The following COL4A3 variants were observed in gnomAD, a reference collection of about 807,000 sequenced individuals.
COL4A3 encodes the protein collagen type IV alpha 3 chain, also known as collagen alpha-3(IV) chain.
A neutral mutation model predicts 217.4 loss-of-function variants in COL4A3; 135 were observed. The observed-to-expected ratio is 0.62, with a 90% confidence interval of 0.54 to 0.72. The LOEUF (loss-of-function observed/expected upper bound fraction) is 0.72. Among genes scored for constraint, COL4A3 ranks in the 30% least tolerant of loss-of-function variants. The probability of loss-of-function intolerance (pLI) is 0.00; values close to 1 mark genes in which losing one functional copy is unlikely to be tolerated. For missense variants in COL4A3, 1,868 were observed against 2,119.9 expected (o/e 0.88, Z 2.33); for synonymous variants, 690 against 736.3 (o/e 0.94, Z 1.02).
At chr2:227,299,631 T>C (rs993745589) in intron 43 of COL4A3, among the ~76,000 whole-genome samples, 3 of 152,182 alleles carry the variant, frequency 2.0e-5, no homozygotes, top group Non-Finnish European at 4.4e-5. Flanking sequence ...TATAAATTAA[T>C]TGCCAGATCA....
At position 227,207,748 on chromosome 2, in the gene COL4A3, C is replaced by G. The variant is rs1394902502; in HGVS notation, c.88-30220C>G. Among the ~76,000 whole-genome samples the G allele has an allele frequency of 4.6e-5, 7 of 152,208 alleles. No homozygotes were observed. The East Asian group carries it at 1.3e-3, about 29-fold the overall frequency. ...CTCCAGGTGAGACAGAGTTTCACAG[C>G]AGGCATACTTTGGATTGTAAATTGA... On this transcript the variant is annotated intron_variant, in intron 1 of 51. Coordinates refer to ENST00000396578, the MANE Select transcript of COL4A3 (RefSeq NM_000091.5).
At chr2:227,224,839 A>G (rs2068000669) in intron 1 of COL4A3, among the ~76,000 whole-genome samples, 1 of 152,164 alleles carries the variant, frequency 6.6e-6, no homozygotes. Flanking sequence ...TTTGAGATGA[A>G]CTGTCTTTTT....
intron 35 of COL4A3, 47 bp downstream of exon 35, chr2:227,289,295 T>C (rs1202902268): frequency 2.7e-6 from 4 of 1,484,514 alleles, no homozygotes; most frequent in South Asian, 2.3e-5. Flanking sequence ...TACACTTTCC[T>C]ACATCTAAAG....
rs2070431033 is a variant in COL4A3 at position 227,259,807 on chromosome 2, C to G, written c.1044C>G (p.Asp348Glu). The G allele has an allele frequency of 6.2e-7, 1 of 1,612,026 alleles. No homozygotes were observed. Among genetic ancestry groups the G allele is most frequent in the Non-Finnish European group, 8.5e-7 (1 of 1,178,106 alleles). Residue 348 changes from aspartate (D) to glutamate (E), a missense_variant, in exon 19 of 52, where the codon GAC (aspartate) becomes GAG (glutamate). Transcript: ENST00000396578. ...PGFRGPTEYY[D>E]TYQEKGDEGT... is the part of the protein sequence containing the mutation. ...TCTCCTCTAAGACAGAATATTATGA[C>G]ACATACCAGGAAAAGGGAGATGAAG... is the stretch of plus-strand genomic sequence containing the variant.
Position 227,310,805 on chromosome 2 carries a change from G to A in COL4A3, c.4785G>A (p.Gly1595=). ...CAAGTGCAGGTTCTGAGGGCACCGG[G>A]CAAGCACTGGCCTCCCCTGGCTCCT... is the stretch of plus-strand genomic sequence containing the variant. The part of the protein sequence containing the change: ...MFTSAGSEGT[G]QALASPGSCL... The change falls in exon 51 of 52, where the codon GGG becomes GGA. Residue 1595 remains glycine (G), a synonymous_variant. Transcript: ENST00000396578. 6.2e-7 allele frequency: 1 copy of A among 1,614,150 alleles called. No individual in the cohort carries two copies. Among genetic ancestry groups the A allele is most frequent in the South Asian group, 1.1e-5 (1 of 91,088 alleles).
chr2:227,240,168 C>G lies in COL4A3; in HGVS notation c.170C>G (p.Pro57Arg). ...EKGEKGFPGP[P>R]GSPGQKGFTG... Reference sequence around the variant, plus strand: ...GGGGAGAAGGGCTTTCCTGGACCCCCCGGTTCTCCTGGCCAGAAAGGATTC... The same window carrying G: ...GGGGAGAAGGGCTTTCCTGGACCCCGCGGTTCTCCTGGCCAGAAAGGATTC... Residue 57 changes from proline (P) to arginine (R), a missense_variant, in exon 3 of 52, where the codon CCC (proline) becomes CGC (arginine). Physicochemically the swap from Pro to Arg is moderately radical, Grantham distance 103 (BLOSUM62 -2). This residue lies in a region of COL4A3 where 365 missense variants were observed against 333.8 expected (regional missense o/e 1.09). Coordinates refer to ENST00000396578, the MANE Select transcript of COL4A3 (RefSeq NM_000091.5). 6.2e-7 allele frequency: 1 copy of G among 1,611,038 alleles called. No homozygotes were observed.
chr2:227,203,747 A>G lies in COL4A3; in HGVS notation c.88-34221A>G, dbSNP rs1055873444. The stretch of plus-strand genomic sequence containing the variant: ...TGTGTGTATATATGTGTATATATAC[A>G]TATATGTGTGTATATATGTGTATAT... On this transcript the variant is annotated intron_variant, in intron 1 of 51. Coordinates refer to ENST00000396578, the MANE Select transcript of COL4A3 (RefSeq NM_000091.5). Among the ~76,000 whole-genome samples the G allele has an allele frequency of 2.3e-5, 2 of 85,552 alleles. 1 individual carries two copies. The highest frequency in any genetic ancestry group is 4.9e-5 in the Non-Finnish European group (2 of 40,976). The allele number at this position is 85,552 out of a possible 152,430, so 56.1% of individuals were successfully genotyped here.
intron 17 of COL4A3, 68 bp from the exon 18 acceptor site, chr2:227,257,535 A>T: frequency 7.8e-7 from 1 of 1,286,306 alleles, no homozygotes; most frequent in East Asian, 2.3e-5. Context: ...TTAACTGTAC[A>T]TCTTGCTTTT....
intron 11 of COL4A3, 70 bp downstream of exon 11, chr2:227,251,441 T>C: frequency 6.8e-7 from 1 of 1,463,012 alleles, no homozygotes; most frequent in South Asian, 1.2e-5. Context: ...CCTGGTCTGC[T>C]TCTTCATGTG....
chr2:227,259,187 A>G (rs2070385423), intron 18 of COL4A3: 1 of 152,232 alleles, frequency 6.6e-6, no homozygotes, highest in African/African-American at 2.4e-5. Context: ...CCTCAAAAGA[A>G]GTTCCACTTA....
chr2:227,207,530 A>C (rs2067146228), intron 1 of COL4A3, among the ~76,000 whole-genome samples: 1 of 152,216 alleles, frequency 6.6e-6, no homozygotes, highest in South Asian at 2.1e-4. Flanking sequence ...GAAGGAGTAC[A>C]GTACAGGCTT....
Position 227,250,989 on chromosome 2 carries a change from G to T in COL4A3, c.547-151G>T. 1.5e-6 allele frequency: 1 copy of T among 688,622 alleles called. No homozygotes were observed. The highest frequency in any genetic ancestry group is 2.6e-6 in the Non-Finnish European group (1 of 383,948). The allele number at this position is 688,622 out of a possible 1,614,324, so 42.7% of individuals were successfully genotyped here. On this transcript the variant is annotated intron_variant, in intron 9 of 51. Transcript: ENST00000396578. The surrounding 1 kb of genome is among the most constrained non-coding windows in gnomAD (Gnocchi z 4.1). ...CCTGTTACACATGGCAACACTTTTT[G>T]ATGTTTGTTATCATTAGCTGCAGCC...
chr2:227,274,270 T>TAAATAAATAAATAAAC (rs2071420825), intron 26 of COL4A3, among the ~76,000 whole-genome samples: 1 of 151,518 alleles, frequency 6.6e-6, no homozygotes, highest in South Asian at 2.1e-4. Context: ...AATAAATAAA[T>TAAATAAATAAATAAAC]AAATTTTAAA....
In COL4A3 at chr2:227,295,318, T is replaced by G. The variant is rs1221336695; in HGVS notation, c.3565+2T>G. 6.2e-7 allele frequency: 1 copy of G among 1,613,562 alleles called. No individual in the cohort carries two copies. ...CAAGAGGGAACCCTGGTGCTCAAGG[T>G]AAGCAGTTCTTCTTCCCTGTCCTAA... is the stretch of plus-strand genomic sequence containing the variant. On this transcript the variant is annotated splice_donor_variant, in intron 41 of 51. Coordinates refer to ENST00000396578, the MANE Select transcript of COL4A3 (RefSeq NM_000091.5). LOFTEE classifies it high-confidence loss of function.
chr2:227,240,170 G>C lies in COL4A3; in HGVS notation c.172G>C (p.Gly58Arg). The C allele has an allele frequency of 6.2e-7, 1 of 1,611,166 alleles. No individual in the cohort carries two copies. The highest frequency in any genetic ancestry group is 1.3e-5 in the African/African-American group (1 of 74,974). ...GGAGAAGGGCTTTCCTGGACCCCCC[G>C]GTTCTCCTGGCCAGAAAGGATTCAC... Reference protein sequence around the residue: ...KGEKGFPGPPGSPGQKGFTGP... With the variant: ...KGEKGFPGPPRSPGQKGFTGP... Residue 58 changes from glycine (G) to arginine (R), a missense_variant, in exon 3 of 52, where the codon GGT becomes CGT. Physicochemically the swap from Gly to Arg is moderately radical, Grantham distance 125. Transcript: ENST00000396578.
At chr2:227,195,321 TAATAA>T (rs942451929) in intron 1 of COL4A3, among the ~76,000 whole-genome samples, 5 of 151,938 alleles carry the variant, frequency 3.3e-5, no homozygotes, top group African/African-American at 1.2e-4. Flanking sequence ...CAAAATAACA[TAATAA>T]AATAAAAACT....
rs188867039 is a variant in COL4A3, at chr2:227,227,765, C to T, written c.88-10203C>T. 1.2e-4 allele frequency: 18 copies of T among 152,244 alleles called. No individual in the cohort carries two copies. The East Asian group carries it at 3.5e-3, about 29-fold the overall frequency. The allele number at this position is 152,244 out of a possible 1,614,324, so 9.4% of individuals were successfully genotyped here. A position where few individuals can be genotyped will look rare whatever the true frequency, so the allele number is the denominator to read the frequency against. ...CAGCCAGCACTGAAAGTGCTCAAAA[C>T]ATACTGAGATCATTACAGTGCTGAT... On this transcript the variant is annotated intron_variant, in intron 1 of 51. Transcript: ENST00000396578.
At position 227,303,110 on chromosome 2, in the gene COL4A3, G is replaced by C. The variant is rs765661521; in HGVS notation, c.3955G>C (p.Gly1319Arg). ...PGFQGFPGVK[G>R]EKGNPGFLGS... ...ATTCCAGGGGTTTCCAGGCGTGAAA[G>C]GTACTGTTTTTGTGCATTGCTCTTT... The change falls in exon 44 of 52, where the codon GGA becomes CGA. Residue 1319 changes from glycine to arginine, a missense_variant and splice_region_variant. Physicochemically the swap from Gly to Arg is moderately radical, Grantham distance 125. Transcript: ENST00000396578. 1 of 1,613,470 alleles carries C rather than the reference G, an allele frequency of 6.2e-7. No homozygotes were observed. Among genetic ancestry groups the C allele is most frequent in the South Asian group, 1.1e-5 (1 of 91,050 alleles).
Position 227,307,778 on chromosome 2 carries a change from T to C in COL4A3, c.4321T>C (p.Trp1441Arg). Reference sequence around the variant, plus strand: ...TGGAGACAGTGGATCACCTGCAACCTGGACAACGAGAGGCTTTGTCTTCAC... The same window carrying C: ...TGGAGACAGTGGATCACCTGCAACCCGGACAACGAGAGGCTTTGTCTTCAC... ...KRGDSGSPATWTTRGFVFTRH... is the reference protein window; with the variant it reads ...KRGDSGSPATRTTRGFVFTRH... Residue 1441 changes from tryptophan (W) to arginine (R), a missense_variant, in exon 48 of 52, where the codon TGG (tryptophan) becomes CGG (arginine). Around this residue, in one of 2 missense-constraint regions of COL4A3, gnomAD observed 1,503 missense variants for 1,786.1 expected, o/e 0.84. Coordinates refer to ENST00000396578, the MANE Select transcript of COL4A3 (RefSeq NM_000091.5). 1 of 1,614,190 alleles carries C rather than the reference T, an allele frequency of 6.2e-7. No homozygotes were observed. Among genetic ancestry groups the C allele is most frequent in the Non-Finnish European group, 8.5e-7 (1 of 1,180,024 alleles).
Sources: gnomAD v4.1 joint callset for allele counts (sites outside exome capture counted in the v4.1 genomes callset) on GRCh38, gnomAD v4.1.1 for gene constraint, gnomAD v4.1.1 regional missense constraint, Gnocchi (gnomAD v3.1) non-coding constraint, MANE v1.5 for transcripts, NCBI Gene and HGNC (gene_info 2026-07-23, HGNC 2026-07-21) for gene names.